SSBP2: variants seen among roughly 807,000 people sequenced by gnomAD.
SSBP2 encodes single stranded DNA binding protein 2.
SSBP2 carries 17 observed loss-of-function variants against 61.8 expected under a neutral mutation model. The ratio of observed to expected loss-of-function variants is 0.28; its 90% CI spans 0.19 to 0.41. The LOEUF (loss-of-function observed/expected upper bound fraction) is 0.41, where lower values mean the gene tolerates loss of function less well. SSBP2 is among the 10% of genes least tolerant of loss of function. The pLI, the probability that SSBP2 is intolerant of heterozygous loss-of-function variation, is 1.00. For synonymous variants in SSBP2, 139 were observed against 141.3 expected, an observed-to-expected ratio of 0.98 and a Z score of 0.12; for missense variants, 310 against 458.7, an observed-to-expected ratio of 0.68 and a Z score of 2.96.
chr5:81,553,045 G>A (rs1772326338), intron 4 of SSBP2, among the ~76,000 whole-genome samples: 1 of 152,280 alleles, frequency 6.6e-6, no homozygotes, highest in East Asian at 1.9e-4. Context: ...CATGACTGCT[G>A]AGAATCGGAA....
At chr5:81,719,045 G>T (rs1755371151) in intron 1 of SSBP2, among the ~76,000 whole-genome samples, 1 of 152,010 alleles carries the variant, frequency 6.6e-6, no homozygotes, top group South Asian at 2.1e-4. Context: ...GTACATTTTT[G>T]ATAGAATTAT....
At chr5:81,552,515 A>AT (rs902492719) in intron 4 of SSBP2, among the ~76,000 whole-genome samples, 1 of 151,918 alleles carries the variant, frequency 6.6e-6, no homozygotes, top group Non-Finnish European at 1.5e-5. Context: ...ACACATGCCC[A>AT]TAATCCCACC....
Position 81,420,236 on chromosome 5 carries a change from A to C in SSBP2, c.*268T>G, listed in dbSNP as rs183972130. On this transcript the variant is annotated 3_prime_UTR_variant, in exon 17 of 17. Transcript: ENST00000320672. ...TGTATAACATACACATATACAGTAC[A>C]TTCTCTTTCCCACACATATACATAC... 6.0e-6 allele frequency: 3 copies of C among 496,126 alleles called. No individual in the cohort carries two copies. The Admixed American group carries it at 1.1e-4, about 18-fold the overall frequency. The allele number at this position is 496,126 out of a possible 1,614,324, so 30.7% of individuals were successfully genotyped here. A position where few individuals can be genotyped will look rare whatever the true frequency, so the allele number is the denominator to read the frequency against.
chr5:81,726,074 CATT>C (rs1358951663), intron 1 of SSBP2, among the ~76,000 whole-genome samples: 15 of 151,986 alleles, frequency 9.9e-5, no homozygotes, highest in African/African-American at 2.2e-4. Context: ...TTCAAAAAAA[CATT>C]AGTACGAACA....
At chr5:81,593,720 A>G (rs1400840745) in intron 4 of SSBP2, among the ~76,000 whole-genome samples, 1 of 152,202 alleles carries the variant, frequency 6.6e-6, no homozygotes, top group African/African-American at 2.4e-5. Flanking sequence ...TTCAATCCAG[A>G]ATCTCATATC....
intron 4 of SSBP2, among the ~76,000 whole-genome samples, chr5:81,516,376 T>C (rs1225991713): frequency 6.6e-6 from 1 of 152,090 alleles, no homozygotes; most frequent in African/African-American, 2.4e-5. Flanking sequence ...AGATGATTCA[T>C]TGTATCCAGC....
intron 1 of SSBP2, among the ~76,000 whole-genome samples, chr5:81,728,040 A>G (rs1038751086): frequency 3.3e-5 from 5 of 152,164 alleles, no homozygotes; most frequent in South Asian, 2.1e-4. Flanking sequence ...GGACTGAAAG[A>G]AGGCTATGGG....
rs188581283 is a variant in SSBP2, at chr5:81,746,713, A to G, written c.62+4268T>C. On this transcript the variant is annotated intron_variant, in intron 1 of 16. Coordinates refer to ENST00000320672, the MANE Select transcript of SSBP2 (RefSeq NM_012446.5). ...AATTTAAAAGCCAAAGTTACTTTTC[A>G]GAGCTCAAGATTAGACAGTTTGATT... Among the ~76,000 whole-genome samples, 105 of 152,276 alleles carry G rather than the reference A, an allele frequency of 6.9e-4. No homozygotes were observed. In the Middle Eastern group the frequency reaches 0.027, roughly 39 times the overall value.
intron 4 of SSBP2, among the ~76,000 whole-genome samples, chr5:81,572,230 G>T (rs1042665355): frequency 2.0e-5 from 3 of 152,126 alleles, no homozygotes; most frequent in Non-Finnish European, 4.4e-5. Context: ...CTGAGTAATT[G>T]TAAGAATGTT....
At chr5:81,674,251 T>C (rs1751794227) in intron 1 of SSBP2, among the ~76,000 whole-genome samples, 1 of 152,138 alleles carries the variant, frequency 6.6e-6, no homozygotes, top group African/African-American at 2.4e-5. Flanking sequence ...GACCAAGAAG[T>C]GGCAAGCTCA....
At chr5:81,535,525 T>A (rs995034425) in intron 4 of SSBP2, among the ~76,000 whole-genome samples, 2 of 151,972 alleles carry the variant, frequency 1.3e-5, no homozygotes, top group Admixed American at 1.3e-4. Context: ...GCAACAGTTA[T>A]CAAGATAATA....
chr5:81,588,549 T>C (rs1775251708), intron 4 of SSBP2, among the ~76,000 whole-genome samples: 2 of 151,802 alleles, frequency 1.3e-5, no homozygotes, highest in African/African-American at 4.8e-5. Context: ...CCCATATATA[T>C]ATAATATATC....
chr5:81,461,056 G>A lies in SSBP2; in HGVS notation c.686C>T (p.Ser229Leu). 1 of 1,554,380 alleles carries A rather than the reference G, an allele frequency of 6.4e-7. No homozygotes were observed. Among genetic ancestry groups the A allele is most frequent in the Non-Finnish European group, 8.7e-7 (1 of 1,145,362 alleles). ...AAAAAAATATATATATATACTCACT[G>A]AATTGGCATTTGTTGGGTTTGGCCA... The change falls in exon 10 of 17, where the codon TCA becomes TTA. Residue 229 changes from serine (S) to leucine (L), a missense_variant and splice_region_variant. Ser to Leu is a moderately radical substitution (Grantham distance 145, BLOSUM62 -2). Transcript: ENST00000320672.
At chr5:81,577,035 G>A (rs1292156095) in intron 4 of SSBP2, among the ~76,000 whole-genome samples, 3 of 151,772 alleles carry the variant, frequency 2.0e-5, no homozygotes, top group Non-Finnish European at 4.4e-5. Flanking sequence ...TAAATGTTTC[G>A]TGCATATTAT....
intron 16 of SSBP2, among the ~76,000 whole-genome samples, chr5:81,420,954 T>C (rs1761569862): frequency 6.6e-6 from 1 of 152,172 alleles, no homozygotes; most frequent in African/African-American, 2.4e-5. Flanking sequence ...TAACCTGTCT[T>C]GACTTCAGTT....
chr5:81,463,668 C>T (rs1289039046), intron 9 of SSBP2, among the ~76,000 whole-genome samples: 1 of 151,986 alleles, frequency 6.6e-6, no homozygotes, highest in Admixed American at 6.6e-5. Context: ...CTACAGCACT[C>T]CAACCTGGGT....
chr5:81,678,564 G>A (rs1260132385), intron 1 of SSBP2, among the ~76,000 whole-genome samples: 1 of 151,688 alleles, frequency 6.6e-6, no homozygotes, highest in Non-Finnish European at 1.5e-5. Flanking sequence ...ACAAATCTAG[G>A]AAGCTCAGAG....
chr5:81,578,642 G>A (rs1206995917), intron 4 of SSBP2, among the ~76,000 whole-genome samples: 1 of 151,716 alleles, frequency 6.6e-6, no homozygotes, highest in Non-Finnish European at 1.5e-5. Flanking sequence ...TTAAGAGTGA[G>A]AAAGATTAAC....
chr5:81,609,714 T>A (rs1390764079), intron 4 of SSBP2, among the ~76,000 whole-genome samples: 1 of 152,190 alleles, frequency 6.6e-6, no homozygotes, highest in African/African-American at 2.4e-5. Context: ...GTCTTCCCAT[T>A]TGGCACATTT....
Sources: gnomAD v4.1 joint callset for allele counts (sites outside exome capture counted in the v4.1 genomes callset) on GRCh38, gnomAD v4.1.1 for gene constraint, MANE v1.5 for transcripts, NCBI Gene and HGNC (gene_info 2026-07-23, HGNC 2026-07-21) for gene names.